Variants in HTR1F observed in about 807,000 individuals in gnomAD.
HTR1F encodes 5-hydroxytryptamine receptor 1F.
HTR1F carries 17 observed loss-of-function variants against 24.0 expected under a neutral mutation model. The ratio of observed to expected loss-of-function variants is 0.71; its 90% CI spans 0.48 to 1.06. The LOEUF (loss-of-function observed/expected upper bound fraction) is 1.06, where lower values mean the gene tolerates loss of function less well. Among genes scored for constraint, HTR1F ranks in the 50% least tolerant of loss-of-function variants. The pLI is 0.00. For synonymous variants in HTR1F, 186 were observed against 156.8 expected (o/e 1.19, Z -1.39); for missense variants, 391 against 427.8 (o/e 0.91, Z 0.76).
At chr3:87,843,510 T>G (rs1160606076) in intron 2 of HTR1F, among the ~76,000 whole-genome samples, 1 of 147,276 alleles carries the variant, frequency 6.8e-6, no homozygotes, top group African/African-American at 2.5e-5. Flanking sequence ...ACTTTCTTTT[T>G]CTTTTTTTTT....
intron 2 of HTR1F, among the ~76,000 whole-genome samples, chr3:87,974,023 A>C (rs1705341103): frequency 6.6e-6 from 1 of 152,230 alleles, no homozygotes; most frequent in Admixed American, 6.5e-5. Flanking sequence ...CCAATGAGCC[A>C]CCAGTGCCAA....
intron 2 of HTR1F, among the ~76,000 whole-genome samples, chr3:87,914,887 A>G (rs886627412): frequency 6.6e-6 from 1 of 152,124 alleles, no homozygotes; most frequent in Non-Finnish European, 1.5e-5. Context: ...GAGGCCAGCC[A>G]GCACAAAAAT....
At chr3:87,916,302 CAA>C (rs1227296855) in intron 2 of HTR1F, among the ~76,000 whole-genome samples, 19 of 23,192 alleles carry the variant, frequency 8.2e-4, no homozygotes, top group African/African-American at 2.2e-3. Context: ...AGTTAAAAAG[CAA>C]AAAAGAAAAA....
intron 2 of HTR1F, among the ~76,000 whole-genome samples, chr3:87,871,962 C>T (rs1351802964): frequency 3.3e-5 from 5 of 152,046 alleles, no homozygotes; most frequent in Non-Finnish European, 5.9e-5. Context: ...ATGAACTATT[C>T]CAAGAGTTCA....
At chr3:87,886,660 A>G (rs1705953347) in intron 2 of HTR1F, among the ~76,000 whole-genome samples, 1 of 152,184 alleles carries the variant, frequency 6.6e-6, no homozygotes, top group Non-Finnish European at 1.5e-5. Flanking sequence ...TACAAAATCA[A>G]TGTGCAAAAA....
At chr3:87,887,006 C>T (rs1157444692) in intron 2 of HTR1F, among the ~76,000 whole-genome samples, 9 of 150,058 alleles carry the variant, frequency 6.0e-5, no homozygotes, top group Admixed American at 4.0e-4. Context: ...GTAAAAGAGC[C>T]CACATTGCCA....
intron 2 of HTR1F, among the ~76,000 whole-genome samples, chr3:87,906,440 T>C (rs1377631258): frequency 6.6e-6 from 1 of 152,146 alleles, no homozygotes; most frequent in Non-Finnish European, 1.5e-5. Flanking sequence ...TCACATTCAA[T>C]TTTGAAATAA....
At chr3:87,869,390 CAGATAGAT>C (rs4038035) in intron 2 of HTR1F, among the ~76,000 whole-genome samples, 17,077 of 124,278 alleles carry the variant, frequency 0.14, 1,394 homozygotes, top group East Asian at 0.2. Flanking sequence ...GATAGACAAA[CAGATAGAT>C]AGATAGATAG....
At chr3:87,936,991 C>A (rs574967371) in intron 2 of HTR1F, among the ~76,000 whole-genome samples, 1 of 150,756 alleles carries the variant, frequency 6.6e-6, no homozygotes, top group Non-Finnish European at 1.5e-5. Flanking sequence ...AAATAGCCTA[C>A]CAACCAAAAA....
chr3:87,874,118 T>C (rs552145590), intron 2 of HTR1F, among the ~76,000 whole-genome samples: 1 of 152,214 alleles, frequency 6.6e-6, no homozygotes, highest in Non-Finnish European at 1.5e-5. Context: ...ATAATGGAGT[T>C]CCTAGCCAGA....
Position 87,922,701 on chromosome 3 carries a change from A to G in HTR1F, c.-42-68007A>G, listed in dbSNP as rs545194136. On this transcript the variant is annotated intron_variant, in intron 2 of 2. Coordinates refer to ENST00000319595, the MANE Select transcript of HTR1F (RefSeq NM_001322209.2). ...ATGCATTTTGAGTTAATTTTTATAT[A>G]TAGGGAGAGATGGGGTGTAGTTTCA... Among the ~76,000 whole-genome samples the G allele has an allele frequency of 3.9e-5, 6 of 152,012 alleles. No homozygotes were observed. In the South Asian group the frequency reaches 1.0e-3, roughly 26 times the overall value.
At chr3:87,971,056 GA>G (rs538376107) in intron 2 of HTR1F, among the ~76,000 whole-genome samples, 206 of 152,218 alleles carry the variant, frequency 1.4e-3, no homozygotes, top group African/African-American at 4.8e-3. Context: ...CATCCAAAGA[GA>G]AAATAGAAAT....
intron 2 of HTR1F, among the ~76,000 whole-genome samples, chr3:87,872,551 G>A (rs1503426): frequency 0.37 from 56,286 of 151,628 alleles, 15,269 homozygotes; most frequent in African/African-American, 0.77. Flanking sequence ...AAGAGACTAA[G>A]TAACAAAAAC....
At chr3:87,833,346 G>C (rs780030207) in intron 2 of HTR1F, among the ~76,000 whole-genome samples, 8 of 152,100 alleles carry the variant, frequency 5.3e-5, no homozygotes, top group South Asian at 2.1e-4. Context: ...TGTTGTCCTT[G>C]AGCTTGCTAT....
chr3:87,945,862 G>A (rs1403065071), intron 2 of HTR1F, among the ~76,000 whole-genome samples: 1 of 152,122 alleles, frequency 6.6e-6, no homozygotes, highest in African/African-American at 2.4e-5. Context: ...ATGTTACCGG[G>A]GGGGTCCTTG....
chr3:87,944,444 G>A (rs1704646666), intron 2 of HTR1F, among the ~76,000 whole-genome samples: 2 of 152,152 alleles, frequency 1.3e-5, no homozygotes, highest in Non-Finnish European at 2.9e-5. Context: ...TTCCACAAGA[G>A]TCTCCTATCA....
intron 2 of HTR1F, among the ~76,000 whole-genome samples, chr3:87,963,870 A>G (rs1425177338): frequency 6.6e-6 from 1 of 152,126 alleles, no homozygotes; most frequent in Non-Finnish European, 1.5e-5. Flanking sequence ...AGCAAGGTCT[A>G]TACTTCATTC....
chr3:87,983,578 A>G (rs1320130081), intron 2 of HTR1F, among the ~76,000 whole-genome samples: 1 of 152,084 alleles, frequency 6.6e-6, no homozygotes, highest in South Asian at 2.1e-4. Context: ...AAATTACTCA[A>G]TGCTGGCCTA....
chr3:87,915,777 C>T (rs1217631390), intron 2 of HTR1F, among the ~76,000 whole-genome samples: 1 of 152,080 alleles, frequency 6.6e-6, no homozygotes, highest in Non-Finnish European at 1.5e-5. Flanking sequence ...GTTTGGAAAA[C>T]ATATTTGGGG....
Sources: gnomAD v4.1 joint callset for allele counts (sites outside exome capture counted in the v4.1 genomes callset) on GRCh38, gnomAD v4.1.1 for gene constraint, MANE v1.5 for transcripts, NCBI Gene and HGNC (gene_info 2026-07-23, HGNC 2026-07-21) for gene names.